TET2: variants seen among roughly 807,000 people sequenced by gnomAD.
The protein encoded by TET2 is methylcytosine dioxygenase TET2.
A neutral mutation model predicts 142.9 loss-of-function variants in TET2; 299 were observed. The observed-to-expected ratio is 2.09, with a 90% CI of 1.90 to 2.30. The LOEUF (loss-of-function observed/expected upper bound fraction) is 2.30, where lower values mean the gene tolerates loss of function less well. TET2 is among the 30% of genes most tolerant of loss of function. TET2 has a pLI of 0.00. For missense variants in TET2, 2,418 were observed against 2,378.0 expected, an observed-to-expected ratio of 1.02 and a Z score of -0.35; for synonymous variants, 819 against 849.0, an observed-to-expected ratio of 0.96 and a Z score of 0.61.
intron 2 of TET2, among the ~76,000 whole-genome samples, chr4:105,220,059 T>C (rs970770846): frequency 6.6e-6 from 1 of 152,130 alleles, no homozygotes; most frequent in Admixed American, 6.6e-5. Context: ...GCCTGACACA[T>C]AGAATATGTT....
In TET2 at chr4:105,275,323, G is replaced by T. The variant is rs1222046087; in HGVS notation, c.4813G>T (p.Ala1605Ser). 3.9e-6 allele frequency: 6 copies of T among 1,551,876 alleles called. 1 individual carries two copies. In the South Asian group the frequency reaches 4.8e-5, roughly 12 times the overall value. ...CTTCTATTCCACCTCATCTCAAGCT[G>T]CAGGTTCATATTTGAATTCTTCTAA... is the stretch of plus-strand genomic sequence containing the variant. ...MNFYSTSSQA[A>S]GSYLNSSNPM... Residue 1605 changes from alanine (A) to serine (S), a missense_variant, in exon 11 of 11, where the codon GCA becomes TCA. Ala to Ser is a moderately conservative substitution (Grantham distance 99). Transcript: ENST00000380013.
chr4:105,206,790 T>C (rs1299583484), intron 2 of TET2, among the ~76,000 whole-genome samples: 8 of 152,224 alleles, frequency 5.3e-5, no homozygotes, highest in Non-Finnish European at 7.3e-5. Flanking sequence ...TCTGCTCATA[T>C]GCTCCTGCTA....
At chr4:105,240,320 T>C in intron 3 of TET2, 1 of 1,059,434 alleles carries the variant, frequency 9.4e-7, no homozygotes, top group Non-Finnish European at 1.2e-6. Context: ...GAGGTATGCC[T>C]GTATTTTTAA....
chr4:105,228,023 A>G (rs972477977), intron 2 of TET2, among the ~76,000 whole-genome samples: 1 of 152,144 alleles, frequency 6.6e-6, no homozygotes, highest in African/African-American at 2.4e-5. Flanking sequence ...AGCAAAATGC[A>G]TAGGTCTCAT....
intron 8 of TET2, among the ~76,000 whole-genome samples, chr4:105,269,378 A>AAT (rs1289185339): frequency 6.6e-6 from 1 of 152,192 alleles, no homozygotes; most frequent in Non-Finnish European, 1.5e-5. Context: ...GGTTGTGACA[A>AAT]ATATATATCA....
At chr4:105,253,956 C>T (rs898808511) in intron 6 of TET2, among the ~76,000 whole-genome samples, 101 of 152,172 alleles carry the variant, frequency 6.6e-4, no homozygotes, top group African/African-American at 1.6e-3. Context: ...AGCTTATTAA[C>T]GAAATGGATT....
At chr4:105,265,020 CGTGTCTATCCA>C (rs1171002429) in intron 8 of TET2, among the ~76,000 whole-genome samples, 3 of 152,180 alleles carry the variant, frequency 2.0e-5, no homozygotes, top group Non-Finnish European at 4.4e-5. Flanking sequence ...GTCCTTTCTT[CGTGTCTATCCA>C]GTAGACATAT....
rs2110233827 is a variant in TET2, at chr4:105,236,433, C to G, written c.2491C>G (p.Gln831Glu). 6.2e-7 allele frequency: 1 copy of G among 1,614,042 alleles called. No individual in the cohort carries two copies. Among genetic ancestry groups the G allele is most frequent in the Non-Finnish European group, 8.5e-7 (1 of 1,179,988 alleles). The stretch of plus-strand genomic sequence containing the variant: ...CATGAAATCAAGTGCATGCAAAATA[C>G]AGGTTTCTTGTTCAAACAATACACA... ...QTMKSSACKI[Q>E]VSCSNNTHLV... Residue 831 changes from glutamine (Q) to glutamate (E), a missense_variant, in exon 3 of 11, where the codon CAG (glutamine) becomes GAG (glutamate). Transcript: ENST00000380013.
intron 2 of TET2, among the ~76,000 whole-genome samples, chr4:105,212,047 A>G (rs1727196024): frequency 6.6e-6 from 1 of 152,230 alleles, no homozygotes; most frequent in Non-Finnish European, 1.5e-5. Context: ...CAGGGTAACA[A>G]TAGAAACATA....
Position 105,178,337 on chromosome 4 carries a change from C to T in TET2, c.-192-12023C>T, listed in dbSNP as rs138578893. Among the ~76,000 whole-genome samples the T allele has an allele frequency of 2.0e-4, 31 of 152,244 alleles. No homozygotes were observed. In the East Asian group the frequency reaches 3.7e-3, roughly 18 times the overall value. On this transcript the variant is annotated intron_variant, in intron 1 of 10. Coordinates refer to ENST00000380013, the MANE Select transcript of TET2 (RefSeq NM_001127208.3). ...ATATTATAAAGTGAAAGAAGCTAATCCGAAAAGGCTAAATACTGTATGATT... is the reference window on the plus strand; with the variant it reads ...ATATTATAAAGTGAAAGAAGCTAATTCGAAAAGGCTAAATACTGTATGATT...
chr4:105,275,173 G>A lies in TET2; in HGVS notation c.4663G>A (p.Glu1555Lys), dbSNP rs2110312121. Residue 1555 changes from glutamate (E) to lysine (K), a missense_variant, in exon 11 of 11, where the codon GAG (glutamate) becomes AAG (lysine). By Grantham distance (56) the Glu-to-Lys change is moderately conservative. Coordinates refer to ENST00000380013, the MANE Select transcript of TET2 (RefSeq NM_001127208.3). ...GCAGCAGCCACATCACCCTCAGACA[G>A]AGTCTGTCAACTCTTATTCTGCTTC... The part of the protein sequence containing the change: ...QQQQPHHPQT[E>K]SVNSYSASGS... 6.4e-7 allele frequency: 1 copy of A among 1,552,182 alleles called. No individual in the cohort carries two copies.
intron 2 of TET2, among the ~76,000 whole-genome samples, chr4:105,204,268 CAT>C (rs763100132): frequency 0.067 from 8,375 of 124,216 alleles, 365 homozygotes; most frequent in African/African-American, 0.14. Flanking sequence ...CACACACACA[CAT>C]ACATACATAC....
At chr4:105,146,682 A>G (rs926726544), upstream of TET2, 1 of 152,170 alleles carries the variant, frequency 6.6e-6, no homozygotes, top group African/African-American at 2.4e-5. Flanking sequence ...AGCCGGCGGT[A>G]GCGGCAGTGG....
chr4:105,205,833 C>T (rs1726785952), intron 2 of TET2, among the ~76,000 whole-genome samples: 1 of 152,022 alleles, frequency 6.6e-6, no homozygotes, highest in Non-Finnish European at 1.5e-5. Context: ...GGAGTTTCTC[C>T]ATGTTGGTCA....
At chr4:105,160,743 A>G (rs988468829) in intron 1 of TET2, among the ~76,000 whole-genome samples, 13 of 152,082 alleles carry the variant, frequency 8.5e-5, no homozygotes, top group Admixed American at 5.2e-4. Context: ...CCAAGCACCA[A>G]ATCTGTTTTT....
intron 2 of TET2, among the ~76,000 whole-genome samples, chr4:105,209,517 T>C (rs1172726474): frequency 6.6e-6 from 1 of 152,070 alleles, no homozygotes; most frequent in East Asian, 1.9e-4. Flanking sequence ...GCTGATGTAA[T>C]GTGCTTCCAA....
intron 6 of TET2, among the ~76,000 whole-genome samples, chr4:105,251,850 TGG>T (rs1002633615): frequency 1.3e-5 from 2 of 152,208 alleles, no homozygotes; most frequent in Non-Finnish European, 2.9e-5. Flanking sequence ...CTTTCCTTTG[TGG>T]GAATTTTTAA....
intron 8 of TET2, among the ~76,000 whole-genome samples, chr4:105,263,450 G>A (rs941240658): frequency 7.9e-5 from 12 of 152,208 alleles, no homozygotes; most frequent in Non-Finnish European, 1.3e-4. Flanking sequence ...AACTAAGGTG[G>A]AGCTTAGAGA....
chr4:105,274,960 C>T (rs1311836498), intron 10 of TET2, 88 bp from the exon 11 acceptor site: 2 of 1,434,812 alleles, frequency 1.4e-6, no homozygotes, highest in Non-Finnish European at 1.8e-6. Context: ...GAGTTTCTTA[C>T]CTACATTTAA....
Sources: gnomAD v4.1 joint callset for allele counts (sites outside exome capture counted in the v4.1 genomes callset) on GRCh38, gnomAD v4.1.1 for gene constraint, MANE v1.5 for transcripts, NCBI Gene and HGNC (gene_info 2026-07-23, HGNC 2026-07-21) for gene names.